Variants in WAC observed in about 807,000 individuals in gnomAD.
The protein encoded by WAC is WW domain containing adaptor with coiled-coil, also known as WW domain-containing adapter protein with coiled-coil.
WAC carries 11 observed loss-of-function variants against 79.6 expected under a neutral mutation model. The observed-to-expected ratio is 0.14, with a 90% CI of 0.09 to 0.23. The LOEUF (loss-of-function observed/expected upper bound fraction) is 0.23, where lower values mean the gene tolerates loss of function less well. Among genes scored for constraint, WAC ranks in the 10% least tolerant of loss-of-function variants. WAC has a pLI of 1.00. For synonymous variants in WAC, 304 were observed against 276.9 expected, an observed-to-expected ratio of 1.10 and a Z score of -0.97; for missense variants, 728 against 773.5, an observed-to-expected ratio of 0.94 and a Z score of 0.70.
chr10:28,533,734 G>T (rs1836421737), intron 1 of WAC, 114 bp downstream of exon 1: 3 of 1,224,374 alleles, frequency 2.5e-6, no homozygotes, highest in Admixed American at 2.2e-5. Flanking sequence ...CCCTGATCCG[G>T]ATCGGGTTGG....
chr10:28,617,859 C>T (rs1841540259), intron 13 of WAC, 75 bp downstream of exon 13: 2 of 1,442,182 alleles, frequency 1.4e-6, no homozygotes, highest in South Asian at 2.9e-5. Flanking sequence ...GAATGTAAAT[C>T]ACATTTTATT....
At chr10:28,567,851 C>T (rs1407383770) in intron 3 of WAC, among the ~76,000 whole-genome samples, 1 of 152,004 alleles carries the variant, frequency 6.6e-6, no homozygotes, top group East Asian at 1.9e-4. Context: ...ACCTCCTCAG[C>T]TTAAGTGATC....
chr10:28,581,566 G>GT lies in WAC; in HGVS notation c.275-1827dup, dbSNP rs557248279. On this transcript the variant is annotated intron_variant, in intron 3 of 13. Coordinates refer to ENST00000354911, the MANE Select transcript of WAC (RefSeq NM_016628.5). ...TTTTTGTTTGTTTGTTTGTTTGTTT[G>GT]TTTTTTGAGACAGAGTCTTGCTCTG... 2.1e-3 allele frequency among the ~76,000 whole-genome samples: 314 copies of GT among 151,842 alleles called. 1 individual carries two copies. The highest frequency in any genetic ancestry group is 7.2e-3 in the African/African-American group (300 of 41,440).
In WAC at chr10:28,619,911, T is replaced by C; in HGVS notation, c.*305T>C. The C allele has an allele frequency of 5.1e-6, 1 of 196,750 alleles. No individual in the cohort carries two copies. The highest frequency in any genetic ancestry group is 1.0e-5 in the Non-Finnish European group (1 of 98,156). 12.2% of individuals were successfully genotyped at this position (196,750 alleles called of 1,614,324 possible). On this transcript the variant is annotated 3_prime_UTR_variant, in exon 14 of 14. Transcript: ENST00000354911. ...CAAAACTAATCAATGCTGAGGTGGC[T>C]AAATACCTAGCCTTTTACATGTAAA...
intron 3 of WAC, among the ~76,000 whole-genome samples, chr10:28,564,365 G>A (rs570690754): frequency 3.3e-5 from 5 of 152,226 alleles, no homozygotes; most frequent in Admixed American, 3.3e-4. Context: ...TGAGTTTTTG[G>A]ATTAAGTTTT....
chr10:28,605,315 C>T (rs563006748), intron 7 of WAC, among the ~76,000 whole-genome samples: 1 of 152,324 alleles, frequency 6.6e-6, no homozygotes, highest in South Asian at 2.1e-4. Context: ...CATAGAACTT[C>T]TACAAGTTGT....
intron 3 of WAC, among the ~76,000 whole-genome samples, chr10:28,560,575 G>A (rs1331538172): frequency 1.3e-5 from 2 of 152,136 alleles, no homozygotes; most frequent in Non-Finnish European, 2.9e-5. Context: ...TAGAGTCGAA[G>A]GCACAGATTT....
chr10:28,547,805 T>G (rs772433655), intron 3 of WAC, among the ~76,000 whole-genome samples: 1 of 152,114 alleles, frequency 6.6e-6, no homozygotes, highest in Non-Finnish European at 1.5e-5. Context: ...TTCTTTATCC[T>G]TGGATCTAAA....
chr10:28,548,769 A>G (rs1019613905), intron 3 of WAC, among the ~76,000 whole-genome samples: 43 of 152,164 alleles, frequency 2.8e-4, no homozygotes, highest in African/African-American at 9.9e-4. Flanking sequence ...ATCAAATAGA[A>G]TATATGGTTG....
In WAC at chr10:28,533,556, C is replaced by T. The variant is rs1048816146; in HGVS notation, c.-24C>T. 6.7e-7 allele frequency: 1 copy of T among 1,482,016 alleles called. No individual in the cohort carries two copies. The highest frequency in any genetic ancestry group is 9.0e-7 in the Non-Finnish European group (1 of 1,105,838). 91.8% of individuals were successfully genotyped at this position (1,482,016 alleles called of 1,614,324 possible). A position where few individuals can be genotyped will look rare whatever the true frequency, so the allele number is the denominator to read the frequency against. On this transcript the variant is annotated 5_prime_UTR_variant, in exon 1 of 14. Transcript: ENST00000354911. ...CGCGGCCGCTCTCCCCCCTCCCCGA[C>T]ACACACTCACAGGCCGGGCATTGAT...
chr10:28,536,497 A>C (rs974232826), intron 3 of WAC, among the ~76,000 whole-genome samples: 6 of 152,196 alleles, frequency 3.9e-5, no homozygotes, highest in Non-Finnish European at 7.3e-5. Context: ...TTTTTTCAGG[A>C]TAGTTCCCAG....
At chr10:28,607,880 A>G (rs901143603) in intron 7 of WAC, among the ~76,000 whole-genome samples, 1 of 152,220 alleles carries the variant, frequency 6.6e-6, no homozygotes, top group Non-Finnish European at 1.5e-5. Context: ...TCTTTGAGAT[A>G]GCATTGGTGG....
At chr10:28,586,491 C>G (rs923881808) in intron 4 of WAC, among the ~76,000 whole-genome samples, 1 of 151,532 alleles carries the variant, frequency 6.6e-6, no homozygotes, top group African/African-American at 2.4e-5. Context: ...GCCTGGGCAA[C>G]ATAGTAAGCG....
chr10:28,598,656 A>T (rs150104452), intron 7 of WAC, among the ~76,000 whole-genome samples: 1 of 152,172 alleles, frequency 6.6e-6, no homozygotes, highest in African/African-American at 2.4e-5. Context: ...CATTACCCCA[A>T]TTCAAACGTG....
At chr10:28,545,988 C>G (rs933791255) in intron 3 of WAC, among the ~76,000 whole-genome samples, 1 of 152,188 alleles carries the variant, frequency 6.6e-6, no homozygotes, top group Admixed American at 6.5e-5. Flanking sequence ...GTAGAGTATA[C>G]TTAGGCTGAT....
intron 10 of WAC, among the ~76,000 whole-genome samples, chr10:28,614,166 C>T (rs1003388287): frequency 2.6e-5 from 4 of 151,450 alleles, no homozygotes; most frequent in Admixed American, 6.6e-5. Context: ...AGTGCTGTGG[C>T]GCGATCTCCG....
At chr10:28,534,979 A>C (rs1414511422) in intron 2 of WAC, among the ~76,000 whole-genome samples, 1 of 152,218 alleles carries the variant, frequency 6.6e-6, no homozygotes, top group East Asian at 1.9e-4. Context: ...CATTATGCTT[A>C]GTTAGAAATA....
At chr10:28,554,459 G>A (rs1837870868) in intron 3 of WAC, among the ~76,000 whole-genome samples, 1 of 152,190 alleles carries the variant, frequency 6.6e-6, no homozygotes, top group Admixed American at 6.5e-5. Context: ...CTTAAGAGTT[G>A]TATTAACTTA....
At chr10:28,610,880 A>G (rs1311576986) in intron 9 of WAC, 59 bp downstream of exon 9, 5 of 1,476,888 alleles carry the variant, frequency 3.4e-6, no homozygotes, top group Admixed American at 2.5e-5. Context: ...TTTGGAATTA[A>G]TAGCCCTTTT....
Sources: gnomAD v4.1 joint callset for allele counts (sites outside exome capture counted in the v4.1 genomes callset) on GRCh38, gnomAD v4.1.1 for gene constraint, MANE v1.5 for transcripts, NCBI Gene and HGNC (gene_info 2026-07-23, HGNC 2026-07-21) for gene names.